LAMA2: variants seen among roughly 807,000 people sequenced by gnomAD.
LAMA2 encodes laminin subunit alpha-2.
A neutral mutation model predicts 364.8 loss-of-function variants in LAMA2; 269 were observed. That is an observed-to-expected ratio of 0.74 (90% CI 0.67 to 0.82). The LOEUF is 0.82. Among genes scored for constraint, LAMA2 ranks in the 40% least tolerant of loss-of-function variants. The pLI, the probability that LAMA2 is intolerant of heterozygous loss-of-function variation, is 0.00. For synonymous variants in LAMA2, 1,379 were observed against 1,370.6 expected, an observed-to-expected ratio of 1.01 and a Z score of -0.14; for missense variants, 3,807 against 3,873.2, an observed-to-expected ratio of 0.98 and a Z score of 0.45.
At chr6:129,244,743 A>G (rs1785630619) in intron 12 of LAMA2, among the ~76,000 whole-genome samples, 1 of 152,092 alleles carries the variant, frequency 6.6e-6, no homozygotes, top group Non-Finnish European at 1.5e-5. Flanking sequence ...AAAAGAGGCC[A>G]GACCACAAGT....
At chr6:129,168,544 A>C (rs1779912944) in intron 9 of LAMA2, among the ~76,000 whole-genome samples, 1 of 151,132 alleles carries the variant, frequency 6.6e-6, no homozygotes, top group Non-Finnish European at 1.5e-5. Context: ...TGGTACCAGT[A>C]CCATGCTGTT....
At chr6:129,106,497 T>C (rs1193070862) in intron 4 of LAMA2, among the ~76,000 whole-genome samples, 1 of 152,206 alleles carries the variant, frequency 6.6e-6, no homozygotes, top group Non-Finnish European at 1.5e-5. Context: ...TACTAATTTG[T>C]ATTGGTTTTC....
intron 1 of LAMA2, among the ~76,000 whole-genome samples, chr6:128,972,704 C>T (rs985955610): frequency 2.6e-5 from 4 of 151,700 alleles, no homozygotes; most frequent in Non-Finnish European, 5.9e-5. Context: ...CTCTCACCTC[C>T]ACATTGAAAA....
Position 129,051,265 on chromosome 6 carries a change from ATTATTTATAT to A in LAMA2, c.283+1189_283+1198del, listed in dbSNP as rs1015639060. ...AATCTACATAAAGGTAAAAATATAT[ATTATTTATAT>A]TTATTTATATTATTTTTAATGAACA... On this transcript the variant is annotated intron_variant, in intron 2 of 64. Coordinates refer to ENST00000421865, the MANE Select transcript of LAMA2 (RefSeq NM_000426.4). 7.4e-5 allele frequency among the ~76,000 whole-genome samples: 11 copies of A among 148,058 alleles called. No homozygotes were observed. In the South Asian group the frequency reaches 2.1e-3, roughly 28 times the overall value.
intron 37 of LAMA2, among the ~76,000 whole-genome samples, chr6:129,394,870 A>G (rs889361629): frequency 1.4e-4 from 22 of 152,316 alleles, no homozygotes; most frequent in Admixed American, 1.4e-3. Context: ...GAGCTTATGT[A>G]TAGTCGGTAT....
Position 128,883,263 on chromosome 6 carries a change from G to T in LAMA2, c.18G>T (p.Gly6=), listed in dbSNP as rs1466207194. MPGAA[G]VLLLLLLSGG... ...CCACTACGATGCCGGGAGCCGCCGG[G>T]GTCCTCCTCCTTCTGCTGCTCTCCG... Residue 6 remains glycine (G), a synonymous_variant, in exon 1 of 65, where the codon GGG becomes GGT. Coordinates refer to ENST00000421865, the MANE Select transcript of LAMA2 (RefSeq NM_000426.4). 4 of 1,558,808 alleles carry T rather than the reference G, an allele frequency of 2.6e-6. No homozygotes were observed. The highest frequency in any genetic ancestry group is 3.5e-6 in the Non-Finnish European group (4 of 1,151,786).
chr6:129,365,754 T>C (rs1047764134), intron 32 of LAMA2, among the ~76,000 whole-genome samples: 2 of 152,074 alleles, frequency 1.3e-5, no homozygotes, highest in Non-Finnish European at 2.9e-5. Context: ...ACATAAAGCA[T>C]GTGGAGGTCA....
intron 1 of LAMA2, among the ~76,000 whole-genome samples, chr6:128,884,579 T>A (rs1309936663): frequency 6.6e-6 from 1 of 152,194 alleles, no homozygotes; most frequent in Non-Finnish European, 1.5e-5. Flanking sequence ...AATAACTCCC[T>A]GATTAAAATT....
At chr6:128,965,914 C>T (rs1292511335) in intron 1 of LAMA2, among the ~76,000 whole-genome samples, 1 of 149,960 alleles carries the variant, frequency 6.7e-6, no homozygotes, top group Admixed American at 6.6e-5. Flanking sequence ...TACTCTTTGT[C>T]CCATAGTTTC....
intron 51 of LAMA2, among the ~76,000 whole-genome samples, chr6:129,466,323 C>G (rs1267975634): frequency 6.6e-6 from 1 of 151,828 alleles, no homozygotes; most frequent in Non-Finnish European, 1.5e-5. Flanking sequence ...ACAGAGAGGT[C>G]AGTTTCCACT....
Position 129,291,671 on chromosome 6 carries a change from AGT to A in LAMA2, c.2811_2812del (p.Cys937Ter). The A allele has an allele frequency of 6.2e-7, 1 of 1,614,170 alleles. No homozygotes were observed. The highest frequency in any genetic ancestry group is 8.5e-7 in the Non-Finnish European group (1 of 1,179,996). On this transcript the variant is annotated frameshift_variant, in exon 20 of 65. Transcript: ENST00000421865. LOFTEE classifies it high-confidence loss of function. ...GAGGTTTGCCACAGTCAAACTGGAC[AGT>A]GTGAGTGCAGAGCCAACGTTCAGGG...
At chr6:129,082,122 A>G (rs943993336) in intron 3 of LAMA2, among the ~76,000 whole-genome samples, 1 of 152,122 alleles carries the variant, frequency 6.6e-6, no homozygotes, top group Non-Finnish European at 1.5e-5. Context: ...ATCCTATTTA[A>G]ATGTAGGACT....
At chr6:129,488,454 T>A in intron 56 of LAMA2, among the ~76,000 whole-genome samples, 1 of 91,782 alleles carries the variant, frequency 1.1e-5, no homozygotes, top group Non-Finnish European at 2.9e-5. Flanking sequence ...TGCATTACAC[T>A]ATTGTACCAC....
intron 5 of LAMA2, among the ~76,000 whole-genome samples, 187 bp from the exon 6 acceptor site, chr6:129,146,772 G>A (rs1477645925): frequency 1.3e-5 from 2 of 152,042 alleles, no homozygotes; most frequent in African/African-American, 4.8e-5. Context: ...CTCTTCCTTT[G>A]GGCTAAGATC....
At chr6:129,456,245 A>G (rs1235328810) in intron 47 of LAMA2, 90 bp from the exon 48 acceptor site, 7 of 1,286,950 alleles carry the variant, frequency 5.4e-6, no homozygotes, top group Non-Finnish European at 7.9e-6. Context: ...TCCGCATTTT[A>G]TATCTTTTAA....
intron 1 of LAMA2, among the ~76,000 whole-genome samples, chr6:128,935,123 T>C (rs1582715963): frequency 6.6e-6 from 1 of 152,158 alleles, no homozygotes; most frequent in Non-Finnish European, 1.5e-5. Context: ...TGCAGGTTTG[T>C]TACATAGGTA....
chr6:129,428,486 G>C (rs944740857), intron 41 of LAMA2, among the ~76,000 whole-genome samples: 1 of 152,084 alleles, frequency 6.6e-6, no homozygotes, highest in African/African-American at 2.4e-5. Flanking sequence ...ATGAAGTCTC[G>C]CTCTGTCAAC....
intron 12 of LAMA2, among the ~76,000 whole-genome samples, chr6:129,229,630 G>A (rs775239366): frequency 6.8e-6 from 1 of 147,082 alleles, no homozygotes; most frequent in African/African-American, 2.4e-5. Flanking sequence ...AAGAGACTTG[G>A]CATTCATCCA....
intron 1 of LAMA2, among the ~76,000 whole-genome samples, chr6:128,953,681 A>G (rs901913118): frequency 2.6e-5 from 4 of 151,778 alleles, no homozygotes; most frequent in Admixed American, 2.6e-4. Flanking sequence ...AGAGAAGAGA[A>G]AAAAGAATGA....
Sources: allele counts gnomAD v4.1 joint callset (sites outside exome capture counted in the v4.1 genomes callset), GRCh38; gene constraint gnomAD v4.1.1; transcripts MANE v1.5; gene names NCBI Gene and HGNC (gene_info 2026-07-23, HGNC 2026-07-21).